Variants in FER1L6 observed in about 807,000 individuals in gnomAD.
FER1L6 encodes the protein fer-1-like protein 6.
Under a neutral mutation model 219.2 loss-of-function variants are expected in FER1L6, and 177 were observed. The observed-to-expected ratio is 0.81, with a 90% CI of 0.71 to 0.91. The LOEUF (loss-of-function observed/expected upper bound fraction) is 0.91, where lower values mean the gene tolerates loss of function less well. FER1L6 is among the 40% of genes least tolerant of loss of function. The pLI is 0.00. For missense variants in FER1L6, 2,153 were observed against 2,259.9 expected (o/e 0.95, Z 0.96); for synonymous variants, 768 against 824.3 (o/e 0.93, Z 1.17).
intron 1 of FER1L6, among the ~76,000 whole-genome samples, chr8:123,917,568 G>GA (rs1316573470): frequency 1.3e-5 from 2 of 152,002 alleles, no homozygotes; most frequent in East Asian, 3.8e-4. Flanking sequence ...TCCCGCCAAA[G>GA]AAAAAACATA....
intron 22 of FER1L6, among the ~76,000 whole-genome samples, chr8:124,055,104 C>G (rs1057506734): frequency 3.9e-5 from 6 of 152,086 alleles, no homozygotes; most frequent in Non-Finnish European, 8.8e-5. Context: ...CTCCACATCA[C>G]ACAGAAAAGC....
chr8:123,958,432 C>T (rs1251722556), intron 2 of FER1L6, among the ~76,000 whole-genome samples: 1 of 152,118 alleles, frequency 6.6e-6, no homozygotes, highest in Non-Finnish European at 1.5e-5. Flanking sequence ...CCCTCACCTA[C>T]AGGAGGGAGG....
At position 123,966,254 on chromosome 8, in the gene FER1L6, A is replaced by G. The variant is rs776224555; in HGVS notation, c.348A>G (p.Thr116=). 1.4e-5 allele frequency: 23 copies of G among 1,614,214 alleles called. No individual in the cohort carries two copies. Among genetic ancestry groups the G allele is most frequent in the South Asian group, 1.1e-5 (1 of 91,088 alleles). The stretch of plus-strand genomic sequence containing the variant: ...TTGGGGATGAGAAGAAGCAAAGCAC[A>G]GTGAAGGAAGGAACCAACAGCCCAT... ...IEIGDEKKQS[T]VKEGTNSPFY... Residue 116 remains threonine (T), a synonymous_variant, in exon 5 of 41, where the codon ACA becomes ACG. Coordinates refer to ENST00000522917, the MANE Select transcript of FER1L6 (RefSeq NM_001039112.2).
At chr8:123,890,586 T>C (rs1247199119) in intron 1 of FER1L6, among the ~76,000 whole-genome samples, 1 of 149,918 alleles carries the variant, frequency 6.7e-6, no homozygotes, top group East Asian at 1.9e-4. Context: ...TTGTCAAGCC[T>C]GCAAAAATTG....
At chr8:124,048,577 T>C (rs929276076) in intron 21 of FER1L6, among the ~76,000 whole-genome samples, 3 of 152,264 alleles carry the variant, frequency 2.0e-5, no homozygotes, top group Non-Finnish European at 4.4e-5. Flanking sequence ...TAATATCCTT[T>C]TTTGCTACCA....
At chr8:124,076,579 TTC>T (rs1491088317) in intron 32 of FER1L6, among the ~76,000 whole-genome samples, 1 of 152,214 alleles carries the variant, frequency 6.6e-6, no homozygotes, top group African/African-American at 2.4e-5. Flanking sequence ...TGTAATTTTT[TTC>T]TTTTTCTTTT....
chr8:124,064,200 C>A, intron 25 of FER1L6, 147 bp from the exon 26 acceptor site: 1 of 726,444 alleles, frequency 1.4e-6, no homozygotes, highest in Non-Finnish European at 2.4e-6. Context: ...TTTTTACTGT[C>A]ATTTTATACA....
At chr8:124,040,234 C>T (rs1022943869) in intron 20 of FER1L6, among the ~76,000 whole-genome samples, 6 of 152,096 alleles carry the variant, frequency 3.9e-5, no homozygotes, top group Admixed American at 2.0e-4. Context: ...GTCCCTGAGG[C>T]GAAGGAAGGC....
At chr8:124,035,514 T>C in intron 19 of FER1L6, 60 bp downstream of exon 19, 1 of 1,524,454 alleles carries the variant, frequency 6.6e-7, no homozygotes, top group Non-Finnish European at 8.9e-7. Context: ...TCTGAAAAGA[T>C]AATAAGGAGG....
chr8:124,014,300 G>A (rs1216815975), intron 15 of FER1L6: 2 of 152,654 alleles, frequency 1.3e-5, no homozygotes, highest in African/African-American at 4.8e-5. Flanking sequence ...AAAGATGAGG[G>A]ATGAAGCTGC....
At chr8:123,952,689 G>A (rs900521783) in intron 1 of FER1L6, among the ~76,000 whole-genome samples, 1 of 152,102 alleles carries the variant, frequency 6.6e-6, no homozygotes, top group South Asian at 2.1e-4. Context: ...CCAATACATT[G>A]TCTGGAAACC....
intron 12 of FER1L6, 116 bp from the exon 13 acceptor site, chr8:124,003,051 A>G (rs1387374390): frequency 1.4e-5 from 11 of 790,340 alleles, no homozygotes; most frequent in Middle Eastern, 2.4e-4. Flanking sequence ...TTCTACCTTC[A>G]TAATGGGAGC....
chr8:124,106,260 C>T (rs1241691560), intron 39 of FER1L6, among the ~76,000 whole-genome samples: 1 of 134,670 alleles, frequency 7.4e-6, no homozygotes, highest in Non-Finnish European at 1.5e-5. Flanking sequence ...ACCCAGGAGG[C>T]GGAGCTTGCA....
intron 3 of FER1L6, among the ~76,000 whole-genome samples, chr8:123,965,698 A>T (rs572410707): frequency 6.4e-4 from 98 of 152,332 alleles, no homozygotes; most frequent in African/African-American, 1.9e-3. Flanking sequence ...TTAAAATTTT[A>T]AAAAATACTG....
chr8:124,010,727 G>A lies in FER1L6; in HGVS notation c.1821+13G>A, dbSNP rs1817883073. On this transcript the variant is annotated intron_variant, in intron 14 of 40. Coordinates refer to ENST00000522917, the MANE Select transcript of FER1L6 (RefSeq NM_001039112.2). ...GGCAGACTTCCTGGTAGGTGACTCTGACAGGTGATGGATTAGAGAATTGGG... is the reference window on the plus strand; with the variant it reads ...GGCAGACTTCCTGGTAGGTGACTCTAACAGGTGATGGATTAGAGAATTGGG... The A allele has an allele frequency of 4.3e-6, 7 of 1,612,226 alleles. No individual in the cohort carries two copies. In the East Asian group the frequency reaches 1.1e-4, roughly 26 times the overall value.
chr8:123,970,414 G>A (rs1199354591), intron 6 of FER1L6, among the ~76,000 whole-genome samples: 1 of 152,078 alleles, frequency 6.6e-6, no homozygotes, highest in African/African-American at 2.4e-5. Context: ...TGCATTGTCA[G>A]TTTTAGTTTG....
At chr8:124,045,737 C>A in intron 20 of FER1L6, 30 bp from the exon 21 acceptor site, 1 of 1,612,976 alleles carries the variant, frequency 6.2e-7, no homozygotes, top group Non-Finnish European at 8.5e-7. Context: ...ATTGAATGAT[C>A]TTTTGCTTTT....
At chr8:123,868,930 G>A (rs1338498881) in intron 1 of FER1L6, among the ~76,000 whole-genome samples, 2 of 152,144 alleles carry the variant, frequency 1.3e-5, no homozygotes, top group South Asian at 2.1e-4. Context: ...TTAATCAGTA[G>A]TTCAGACAGG....
intron 13 of FER1L6, among the ~76,000 whole-genome samples, chr8:124,005,860 C>T (rs1817632944): frequency 6.6e-6 from 1 of 152,152 alleles, no homozygotes; most frequent in African/African-American, 2.4e-5. Flanking sequence ...TGAGGGAAAG[C>T]ATTTAGGACA....
Sources: gnomAD v4.1 joint callset for allele counts (sites outside exome capture counted in the v4.1 genomes callset) on GRCh38, gnomAD v4.1.1 for gene constraint, MANE v1.5 for transcripts, NCBI Gene and HGNC (gene_info 2026-07-23, HGNC 2026-07-21) for gene names.